SLC15A1: variants seen among roughly 807,000 people sequenced by gnomAD.
SLC15A1 encodes Caco-2 oligopeptide transporter.
In SLC15A1, 83 loss-of-function variants were observed where a neutral mutation model predicts 92.9. The ratio of observed to expected loss-of-function variants is 0.89; its 90% confidence interval spans 0.75 to 1.07. The LOEUF is 1.07. Ranked by LOEUF, SLC15A1 falls within the 50% of genes least tolerant of loss-of-function variation. SLC15A1 has a pLI of 0.00. For missense variants in SLC15A1, 857 were observed against 880.1 expected (o/e 0.97, Z 0.33); for synonymous variants, 322 against 318.2 (o/e 1.01, Z -0.13).
chr13:98,691,235 G>A (rs2087973143), intron 18 of SLC15A1, among the ~76,000 whole-genome samples: 1 of 151,996 alleles, frequency 6.6e-6, no homozygotes, highest in African/African-American at 2.4e-5. Context: ...AGTAGAGAGG[G>A]GATGTGTTAG....
At chr13:98,728,920 G>A (rs1490986483) in intron 1 of SLC15A1, among the ~76,000 whole-genome samples, 2 of 128,204 alleles carry the variant, frequency 1.6e-5, no homozygotes, top group African/African-American at 2.9e-5. Context: ...GGTGGAGGTT[G>A]CAATGAGTCA....
intron 18 of SLC15A1, among the ~76,000 whole-genome samples, chr13:98,694,513 A>G (rs1257789200): frequency 6.6e-6 from 1 of 151,628 alleles, no homozygotes; most frequent in Non-Finnish European, 1.5e-5. Context: ...TAGTGGGTGC[A>G]TGCTCAAAAT....
At position 98,726,103 on chromosome 13, in the gene SLC15A1, A is replaced by G. The variant is rs765545289; in HGVS notation, c.245+20T>C. 6.2e-7 allele frequency: 1 copy of G among 1,611,598 alleles called. No homozygotes were observed. The highest frequency in any genetic ancestry group is 2.2e-5 in the East Asian group (1 of 44,844). On this transcript the variant is annotated intron_variant, in intron 4 of 22. Transcript: ENST00000376503. ...TTACTTTTTCGCTTGTTTGTGAACA[A>G]GAAATTTCCAGCCACTCACTTGAAC...
intron 4 of SLC15A1, among the ~76,000 whole-genome samples, chr13:98,724,381 G>A (rs1166218678): frequency 6.6e-6 from 1 of 152,210 alleles, no homozygotes; most frequent in East Asian, 1.9e-4. Flanking sequence ...GTGCATGCCT[G>A]TGGTCCTAGC....
rs1410203604 is a variant in SLC15A1 at position 98,711,836 on chromosome 13, A to G, written c.900+18T>C. ...CGCTTGCTCCGTGAAGAAGAGCACA[A>G]GCAGAGTTTCACATTACCTGCTGGT... On this transcript the variant is annotated intron_variant, in intron 11 of 22. Coordinates refer to ENST00000376503, the MANE Select transcript of SLC15A1 (RefSeq NM_005073.4). 8.8e-6 allele frequency: 14 copies of G among 1,594,904 alleles called. No individual in the cohort carries two copies. Among genetic ancestry groups the G allele is most frequent in the Admixed American group, 6.7e-5 (4 of 59,980 alleles).
intron 18 of SLC15A1, among the ~76,000 whole-genome samples, chr13:98,691,197 C>T (rs1162678426): frequency 1.3e-5 from 2 of 152,144 alleles, no homozygotes; most frequent in African/African-American, 4.8e-5. Context: ...GCCCCCGCCA[C>T]CGCACCTGGC....
At position 98,688,493 on chromosome 13, in the gene SLC15A1, T is replaced by C. The variant is rs1166066357; in HGVS notation, c.1551A>G (p.Thr517=). 2 of 1,614,080 alleles carry C rather than the reference T, an allele frequency of 1.2e-6. No individual in the cohort carries two copies. Among genetic ancestry groups the C allele is most frequent in the East Asian group, 2.2e-5 (1 of 44,856 alleles). The change falls in exon 19 of 23, where the codon ACA becomes ACG. Residue 517 remains threonine (T), a synonymous_variant. Coordinates refer to ENST00000376503, the MANE Select transcript of SLC15A1 (RefSeq NM_005073.4). ...YANISSYNAS[T]YQFFPSGIKG... is the part of the protein sequence containing the mutation. ...ACATGCCAGAAGGAAAAAACTGGTATGTGCTGGCATTGTAGCTGCTGATGT... is the reference window on the plus strand; with the variant it reads ...ACATGCCAGAAGGAAAAAACTGGTACGTGCTGGCATTGTAGCTGCTGATGT...
chr13:98,705,770 T>C (rs1323679668), intron 16 of SLC15A1, among the ~76,000 whole-genome samples: 1 of 152,084 alleles, frequency 6.6e-6, no homozygotes, highest in Non-Finnish European at 1.5e-5. Flanking sequence ...CACACACCTG[T>C]AATCCCAGCT....
rs2087945068 is a variant in SLC15A1 at position 98,688,099 on chromosome 13, A to C, written c.1683+149T>G. The stretch of plus-strand genomic sequence containing the variant: ...TGATTAAGTCATCAATAAGTTAAAG[A>C]ATTAGCCAAGCAAATTAATTCTAAG... On this transcript the variant is annotated intron_variant, in intron 20 of 22. Coordinates refer to ENST00000376503, the MANE Select transcript of SLC15A1 (RefSeq NM_005073.4). 6.5e-6 allele frequency: 4 copies of C among 616,720 alleles called. No individual in the cohort carries two copies. The South Asian group carries it at 9.1e-5, about 14-fold the overall frequency. 38.2% of individuals were successfully genotyped at this position (616,720 alleles called of 1,614,324 possible). A position where few individuals can be genotyped will look rare whatever the true frequency, so the allele number is the denominator to read the frequency against.
At chr13:98,734,506 C>T (rs1392126741) in intron 1 of SLC15A1, among the ~76,000 whole-genome samples, 7 of 152,020 alleles carry the variant, frequency 4.6e-5, no homozygotes, top group Non-Finnish European at 1.0e-4. Flanking sequence ...CACAAGGGGT[C>T]GGGTCAGGGG....
chr13:98,692,136 C>CTTTTTTTT lies in SLC15A1; in HGVS notation c.1467-3567_1467-3560dup, dbSNP rs528865683. Among the ~76,000 whole-genome samples, 16 of 67,642 alleles carry CTTTTTTTT rather than the reference C, an allele frequency of 2.4e-4. 3 individuals carry two copies. Among genetic ancestry groups the CTTTTTTTT allele is most frequent in the Admixed American group, 9.4e-4 (4 of 4,276 alleles). 44.4% of individuals were successfully genotyped at this position (67,642 alleles called of 152,430 possible). A position where few individuals can be genotyped will look rare whatever the true frequency, so the allele number is the denominator to read the frequency against. ...AGGAGTCCCCCTCTCTTCTCCTAAA[C>CTTTTTTTT]TTTTTTTTTTTTTTTTTTTTTTTTT... On this transcript the variant is annotated intron_variant, in intron 18 of 22. Transcript: ENST00000376503.
intron 18 of SLC15A1, among the ~76,000 whole-genome samples, chr13:98,689,098 C>T (rs1044003422): frequency 3.3e-5 from 5 of 152,190 alleles, no homozygotes; most frequent in African/African-American, 1.2e-4. Context: ...CACCACCACA[C>T]CCGGCTCATT....
chr13:98,699,871 G>A (rs2088053641), intron 18 of SLC15A1, among the ~76,000 whole-genome samples: 1 of 152,152 alleles, frequency 6.6e-6, no homozygotes, highest in South Asian at 2.1e-4. Flanking sequence ...TAAGACCAAT[G>A]CTATTGTTCA....
intron 7 of SLC15A1, among the ~76,000 whole-genome samples, chr13:98,720,200 G>C (rs2088245516): frequency 6.6e-6 from 1 of 152,064 alleles, no homozygotes; most frequent in Non-Finnish European, 1.5e-5. Context: ...ATAAAGAATA[G>C]AAATTTGTTA....
At chr13:98,744,133 T>C (rs886959574) in intron 1 of SLC15A1, among the ~76,000 whole-genome samples, 10 of 148,854 alleles carry the variant, frequency 6.7e-5, no homozygotes, top group Non-Finnish European at 1.3e-4. Context: ...CCCAGCTACT[T>C]GGGAGGCTCA....
At chr13:98,722,006 T>A in intron 5 of SLC15A1, 103 bp from the exon 6 acceptor site, 1 of 875,276 alleles carries the variant, frequency 1.1e-6, no homozygotes, top group Non-Finnish European at 1.8e-6. Flanking sequence ...GTGACACACA[T>A]AGAGAAGAAG....
chr13:98,711,281 T>C (rs1239781272), intron 11 of SLC15A1, among the ~76,000 whole-genome samples: 2 of 152,244 alleles, frequency 1.3e-5, no homozygotes, highest in African/African-American at 4.8e-5. Context: ...CTGAGCCCCA[T>C]GCACTGAGTT....
chr13:98,733,041 G>C (rs1347575943), intron 1 of SLC15A1, among the ~76,000 whole-genome samples: 1 of 152,170 alleles, frequency 6.6e-6, no homozygotes, highest in African/African-American at 2.4e-5. Context: ...GTCAGAAAAG[G>C]TGAAAAGCAG....
intron 1 of SLC15A1, 138 bp from the exon 2 acceptor site, chr13:98,726,997 C>T (rs373959368): frequency 8.5e-5 from 63 of 741,640 alleles, no homozygotes; most frequent in African/African-American, 5.2e-4. Context: ...CCTGGGATCC[C>T]GGCCCCAGAC....
Sources: allele counts gnomAD v4.1 joint callset (sites outside exome capture counted in the v4.1 genomes callset), GRCh38; gene constraint gnomAD v4.1.1; transcripts MANE v1.5; gene names NCBI Gene and HGNC (gene_info 2026-07-23, HGNC 2026-07-21).